The following CPQ variants were observed in gnomAD, a reference collection of about 807,000 sequenced individuals.
CPQ encodes the protein Ser-Met dipeptidase.
In CPQ, 37 loss-of-function variants were observed where a neutral mutation model predicts 45.7. The observed-to-expected ratio is 0.81, with a 90% CI of 0.62 to 1.07. CPQ has a LOEUF of 1.07. CPQ is among the 50% of genes least tolerant of loss of function. CPQ has a pLI of 0.00. For missense variants in CPQ, 537 were observed against 572.9 expected, an observed-to-expected ratio of 0.94 and a Z score of 0.64; for synonymous variants, 186 against 205.8, an observed-to-expected ratio of 0.90 and a Z score of 0.82.
chr8:97,035,975 G>C (rs969815374), intron 6 of CPQ, among the ~76,000 whole-genome samples: 1 of 152,138 alleles, frequency 6.6e-6, no homozygotes, highest in African/African-American at 2.4e-5. Context: ...CCAAAGTGCT[G>C]GGATTACAGG....
chr8:97,040,600 G>A lies in CPQ; in HGVS notation c.1053+11106G>A, dbSNP rs1165334258. ...TGGTAATGCCTAGGTTTTCTTCTAG[G>A]GTTGTTATGGTTTTAGTTCTAACGT... On this transcript the variant is annotated intron_variant, in intron 6 of 7. Transcript: ENST00000220763. Among the ~76,000 whole-genome samples, 6 of 152,238 alleles carry A rather than the reference G, an allele frequency of 3.9e-5. No individual in the cohort carries two copies. In the South Asian group the frequency reaches 1.2e-3, roughly 32 times the overall value.
chr8:96,690,592 A>G (rs1438356380), intron 1 of CPQ, among the ~76,000 whole-genome samples: 1 of 152,170 alleles, frequency 6.6e-6, no homozygotes, highest in Non-Finnish European at 1.5e-5. Context: ...TTAGGATGTG[A>G]TGCTTACTTT....
At chr8:96,760,094 A>G (rs373945457) in intron 1 of CPQ, among the ~76,000 whole-genome samples, 21 of 152,288 alleles carry the variant, frequency 1.4e-4, no homozygotes, top group East Asian at 1.2e-3. Flanking sequence ...GGACTGAGCT[A>G]TGAAGATATT....
intron 4 of CPQ, among the ~76,000 whole-genome samples, chr8:96,887,646 T>C (rs766399124): frequency 2.0e-5 from 3 of 152,196 alleles, no homozygotes; most frequent in Non-Finnish European, 4.4e-5. Context: ...GGCTGGCCCA[T>C]TTCTTTTGAT....
intron 3 of CPQ, among the ~76,000 whole-genome samples, chr8:96,836,423 A>C (rs1039647313): frequency 6.6e-6 from 1 of 152,198 alleles, no homozygotes; most frequent in South Asian, 2.1e-4. Flanking sequence ...CATGTTAGAA[A>C]GTTATACGAC....
At chr8:96,670,778 G>A (rs185189703) in intron 1 of CPQ, among the ~76,000 whole-genome samples, 1 of 151,140 alleles carries the variant, frequency 6.6e-6, no homozygotes, top group African/African-American at 2.4e-5. Flanking sequence ...CAATCATAAA[G>A]GTTATATACA....
At chr8:96,955,503 C>T (rs1813342211) in intron 4 of CPQ, among the ~76,000 whole-genome samples, 1 of 152,132 alleles carries the variant, frequency 6.6e-6, no homozygotes, top group Admixed American at 6.6e-5. Flanking sequence ...TGACTTTCTT[C>T]ACAGAATTGG....
At chr8:96,683,272 A>C (rs1341265163) in intron 1 of CPQ, among the ~76,000 whole-genome samples, 1 of 152,130 alleles carries the variant, frequency 6.6e-6, no homozygotes, top group Admixed American at 6.6e-5. Flanking sequence ...TCTGAAGGAC[A>C]GATTTGCTAG....
rs1030255925 is a variant in CPQ, at chr8:96,946,139, G to T, written c.850-19796G>T. Among the ~76,000 whole-genome samples the T allele has an allele frequency of 3.3e-5, 5 of 149,412 alleles. No homozygotes were observed. The Admixed American group carries it at 3.4e-4, about 10-fold the overall frequency. ...TGGTTATCCAGCTCCTCTTGCATTTGATTTCATCTTCAGCACTCGTCTGTT... is the reference window on the plus strand; with the variant it reads ...TGGTTATCCAGCTCCTCTTGCATTTTATTTCATCTTCAGCACTCGTCTGTT... On this transcript the variant is annotated intron_variant, in intron 4 of 7. Transcript: ENST00000220763.
chr8:96,914,479 A>G (rs537555951), intron 4 of CPQ, among the ~76,000 whole-genome samples: 89 of 152,322 alleles, frequency 5.8e-4, no homozygotes, highest in African/African-American at 2.1e-3. Flanking sequence ...CATTTTATCT[A>G]TCCCTTGAAC....
chr8:96,936,958 T>TTTCCTTCC (rs1011804431), intron 4 of CPQ, among the ~76,000 whole-genome samples: 1 of 152,084 alleles, frequency 6.6e-6, no homozygotes, highest in African/African-American at 2.4e-5. Context: ...ATGTGATATC[T>TTTCCTTCC]TTCCTTCCTT....
chr8:96,838,263 C>A (rs1224115925), intron 3 of CPQ, among the ~76,000 whole-genome samples: 1 of 152,132 alleles, frequency 6.6e-6, no homozygotes, highest in African/African-American at 2.4e-5. Context: ...TCAGTCACTT[C>A]ACACAATAGG....
chr8:96,764,707 A>G (rs891538174), intron 1 of CPQ, among the ~76,000 whole-genome samples: 6 of 152,184 alleles, frequency 3.9e-5, no homozygotes, highest in African/African-American at 9.6e-5. Flanking sequence ...CCCTATCCCA[A>G]TGGCACTTGG....
intron 1 of CPQ, among the ~76,000 whole-genome samples, chr8:96,700,907 C>T (rs1011279238): frequency 1.3e-5 from 2 of 152,146 alleles, no homozygotes; most frequent in African/African-American, 4.8e-5. Flanking sequence ...AGCTATGAAA[C>T]TGGAATTTAA....
At chr8:96,842,023 A>G (rs183378726) in intron 3 of CPQ, among the ~76,000 whole-genome samples, 2 of 152,350 alleles carry the variant, frequency 1.3e-5, no homozygotes, top group East Asian at 3.9e-4. Context: ...AACATTCTTC[A>G]TGTTAAGAAA....
At chr8:96,731,763 G>C (rs1419732304) in intron 1 of CPQ, among the ~76,000 whole-genome samples, 1 of 152,154 alleles carries the variant, frequency 6.6e-6, no homozygotes, top group Non-Finnish European at 1.5e-5. Flanking sequence ...AGAGGAGCAG[G>C]TTCATGACTG....
intron 4 of CPQ, among the ~76,000 whole-genome samples, chr8:96,944,287 G>T (rs566401112): frequency 6.6e-6 from 1 of 152,152 alleles, no homozygotes; most frequent in South Asian, 2.1e-4. Flanking sequence ...CTACAGCCTT[G>T]GGTTGAGAGC....
intron 2 of CPQ, among the ~76,000 whole-genome samples, chr8:96,834,539 T>A (rs1018394028): frequency 6.7e-6 from 1 of 149,938 alleles, no homozygotes; most frequent in Admixed American, 6.6e-5. Flanking sequence ...TGTTGTAGGT[T>A]GTTTAGCAAC....
At chr8:97,055,406 G>A (rs1810437216) in intron 6 of CPQ, 1 of 152,146 alleles carries the variant, frequency 6.6e-6, no homozygotes, top group African/African-American at 2.4e-5. Flanking sequence ...GCCTTTTGAG[G>A]TTCAAGTCCA....
Sources: allele counts gnomAD v4.1 joint callset (sites outside exome capture counted in the v4.1 genomes callset), GRCh38; gene constraint gnomAD v4.1.1; transcripts MANE v1.5; gene names NCBI Gene and HGNC (gene_info 2026-07-23, HGNC 2026-07-21).